PRKN: variants seen among roughly 807,000 people sequenced by gnomAD.
The protein encoded by PRKN is parkin RBR E3 ubiquitin protein ligase.
A neutral mutation model predicts 59.5 loss-of-function variants in PRKN; 56 were observed. That is an observed-to-expected ratio of 0.94 (90% confidence interval 0.76 to 1.18). The LOEUF (loss-of-function observed/expected upper bound fraction) is 1.18, where lower values mean the gene tolerates loss of function less well. Ranked by LOEUF, PRKN falls within the 50% of genes most tolerant of loss-of-function variation. The pLI is 0.00. For synonymous variants in PRKN, 250 were observed against 222.1 expected (o/e 1.13, Z -1.12); for missense variants, 657 against 596.4 (o/e 1.10, Z -1.06).
intron 6 of PRKN, among the ~76,000 whole-genome samples, chr6:161,864,163 T>C (rs915456892): frequency 6.6e-6 from 1 of 152,178 alleles, no homozygotes; most frequent in Non-Finnish European, 1.5e-5. Context: ...CTGTAGCATA[T>C]GGTGCTATTT....
At chr6:161,511,501 G>T (rs577149181) in intron 9 of PRKN, among the ~76,000 whole-genome samples, 2 of 152,278 alleles carry the variant, frequency 1.3e-5, no homozygotes, top group Admixed American at 1.3e-4. Flanking sequence ...TATTATGAAG[G>T]ATGAGCAAAA....
chr6:161,808,365 T>C (rs1791421862), intron 6 of PRKN, among the ~76,000 whole-genome samples: 2 of 152,222 alleles, frequency 1.3e-5, no homozygotes, highest in Non-Finnish European at 2.9e-5. Flanking sequence ...TGAATAACTG[T>C]ACTGTCTTAA....
intron 3 of PRKN, among the ~76,000 whole-genome samples, chr6:162,219,477 T>TA (rs1777840958): frequency 1.3e-5 from 2 of 152,300 alleles, no homozygotes; most frequent in Non-Finnish European, 2.9e-5. Context: ...GCATAGATAC[T>TA]ATATCTTGTT....
chr6:161,848,613 G>A (rs1793298440), intron 6 of PRKN, among the ~76,000 whole-genome samples: 1 of 152,170 alleles, frequency 6.6e-6, no homozygotes, highest in Admixed American at 6.5e-5. Flanking sequence ...TAATGCGTGA[G>A]AAAAAATTCC....
intron 6 of PRKN, among the ~76,000 whole-genome samples, chr6:161,791,825 C>T (rs1043216470): frequency 2.0e-5 from 3 of 152,202 alleles, no homozygotes; most frequent in Admixed American, 6.5e-5. Context: ...CAGTGAGCTC[C>T]ACCTCCTCTG....
intron 7 of PRKN, among the ~76,000 whole-genome samples, chr6:161,670,326 T>A (rs1045604204): frequency 1.3e-5 from 2 of 152,040 alleles, no homozygotes; most frequent in Admixed American, 6.6e-5. Context: ...CTCTCGCAGT[T>A]CTGGAGCGGG....
chr6:162,075,911 A>G (rs1038122946), intron 4 of PRKN, among the ~76,000 whole-genome samples: 5 of 149,652 alleles, frequency 3.3e-5, no homozygotes, highest in Non-Finnish European at 7.4e-5. Context: ...AGGGGTTCCT[A>G]TTCTTGCCCC....
chr6:161,497,834 G>A lies in PRKN; in HGVS notation c.1083+51020C>T, dbSNP rs1777812265. On this transcript the variant is annotated intron_variant, in intron 9 of 11. Transcript: ENST00000366898. This position sits in a 1 kb window ranked among gnomAD's most constrained non-coding sequence, Gnocchi z 4.6. ...CTGTAGCTGCTTCAGCCTTTGTTGA[G>A]GCTAACTCTCCTCCCAAGGTGTCTC... is the stretch of plus-strand genomic sequence containing the variant. Among the ~76,000 whole-genome samples, 1 of 152,154 alleles carries A rather than the reference G, an allele frequency of 6.6e-6. No homozygotes were observed. Among genetic ancestry groups the A allele is most frequent in the Admixed American group, 6.6e-5 (1 of 15,266 alleles).
In PRKN at chr6:162,631,455, T is replaced by C. The variant is rs550999721; in HGVS notation, c.7+96207A>G. On this transcript the variant is annotated intron_variant, in intron 1 of 11. Transcript: ENST00000366898. ...AATTGATTTTTAGTGATGCTGAGCA[T>C]TTTTTCATAGGTTTGTTGGTAGCTT... Among the ~76,000 whole-genome samples, 3 of 152,322 alleles carry C rather than the reference T, an allele frequency of 2.0e-5. No homozygotes were observed. In the East Asian group the frequency reaches 5.8e-4, roughly 29 times the overall value.
At chr6:162,150,311 T>G (rs1268674152) in intron 4 of PRKN, among the ~76,000 whole-genome samples, 1 of 152,188 alleles carries the variant, frequency 6.6e-6, no homozygotes, top group Non-Finnish European at 1.5e-5. Flanking sequence ...ATGTTTCTGA[T>G]GTGAATTTAA....
intron 6 of PRKN, among the ~76,000 whole-genome samples, chr6:161,825,727 G>A (rs990374795): frequency 3.3e-5 from 5 of 152,008 alleles, no homozygotes; most frequent in African/African-American, 1.2e-4. Context: ...GCTCCCCCCG[G>A]GACACACCTT....
At chr6:161,659,579 C>T (rs980449043) in intron 7 of PRKN, among the ~76,000 whole-genome samples, 19 of 151,928 alleles carry the variant, frequency 1.3e-4, no homozygotes, top group East Asian at 1.9e-4. Context: ...ATGGACAGGG[C>T]GGGACTCTCA....
intron 2 of PRKN, among the ~76,000 whole-genome samples, chr6:162,372,422 C>CGTGTGG (rs1286696557): frequency 6.6e-6 from 1 of 150,972 alleles, no homozygotes; most frequent in Non-Finnish European, 1.5e-5. Flanking sequence ...ACGTGCTACA[C>CGTGTGG]ATGCGATCCT....
chr6:161,692,640 C>T (rs1467686546), intron 7 of PRKN, among the ~76,000 whole-genome samples: 4 of 152,206 alleles, frequency 2.6e-5, no homozygotes, highest in Non-Finnish European at 5.9e-5. Flanking sequence ...GGCACAGTGG[C>T]TTACGCCTGC....
intron 6 of PRKN, among the ~76,000 whole-genome samples, chr6:161,834,951 C>T (rs1792683373): frequency 6.6e-6 from 1 of 152,142 alleles, no homozygotes; most frequent in Non-Finnish European, 1.5e-5. Flanking sequence ...TGAGCACCTC[C>T]ACCCCACCCC....
chr6:161,435,648 T>A (rs1788845595), intron 9 of PRKN, among the ~76,000 whole-genome samples: 1 of 151,944 alleles, frequency 6.6e-6, no homozygotes, highest in South Asian at 2.1e-4. Flanking sequence ...GACCCGCTTA[T>A]CCAGCTCTCT....
At chr6:162,182,137 G>A (rs1783827008) in intron 4 of PRKN, among the ~76,000 whole-genome samples, 2 of 152,108 alleles carry the variant, frequency 1.3e-5, no homozygotes, top group Non-Finnish European at 1.5e-5. Flanking sequence ...TTTCTACCCT[G>A]GACAAAGACA....
chr6:161,964,732 C>T (rs1271773846), intron 6 of PRKN, among the ~76,000 whole-genome samples: 3 of 152,006 alleles, frequency 2.0e-5, no homozygotes, highest in Non-Finnish European at 4.4e-5. Context: ...CTGTGAAAGG[C>T]TATGTTAAAG....
At chr6:161,741,337 G>A (rs1355869876) in intron 7 of PRKN, among the ~76,000 whole-genome samples, 1 of 152,222 alleles carries the variant, frequency 6.6e-6, no homozygotes, top group East Asian at 1.9e-4. Flanking sequence ...TGTGGGAACA[G>A]AAGCATAAGA....
Sources: allele counts gnomAD v4.1 joint callset (sites outside exome capture counted in the v4.1 genomes callset), GRCh38; gene constraint gnomAD v4.1.1; non-coding constraint Gnocchi (gnomAD v3.1); transcripts MANE v1.5; gene names NCBI Gene and HGNC (gene_info 2026-07-23, HGNC 2026-07-21).